The following AVL9 variants were observed in gnomAD, a reference collection of about 807,000 sequenced individuals.
The protein encoded by AVL9 is AVL9 cell migration associated.
In AVL9, 49 loss-of-function variants were observed where a neutral mutation model predicts 79.2. That is an observed-to-expected ratio of 0.62 (90% CI 0.49 to 0.79). The LOEUF is 0.79. AVL9 is among the 30% of genes least tolerant of loss of function. AVL9 has a pLI of 0.00. For missense variants in AVL9, 682 were observed against 776.8 expected (o/e 0.88, Z 1.45); for synonymous variants, 299 against 280.6 (o/e 1.07, Z -0.65).
At chr7:32,571,622 A>C (rs1790849208) in intron 11 of AVL9, among the ~76,000 whole-genome samples, 1 of 151,490 alleles carries the variant, frequency 6.6e-6, no homozygotes, top group South Asian at 2.1e-4. Flanking sequence ...AATGGTTATA[A>C]TATAATGAAA....
intron 1 of AVL9, among the ~76,000 whole-genome samples, chr7:32,510,920 G>C (rs1376372633): frequency 8.3e-6 from 1 of 120,662 alleles, no homozygotes; most frequent in Admixed American, 8.3e-5. Context: ...TATGAGGGAA[G>C]CCATCTCTCC....
At chr7:32,514,651 C>A (rs1333879302) in intron 1 of AVL9, among the ~76,000 whole-genome samples, 1 of 152,196 alleles carries the variant, frequency 6.6e-6, no homozygotes, top group Non-Finnish European at 1.5e-5. Context: ...CCGGTCCTTG[C>A]CTTAAGTGAT....
intron 10 of AVL9, among the ~76,000 whole-genome samples, chr7:32,566,870 C>G (rs4723172): frequency 0.84 from 127,602 of 152,208 alleles, 53,540 homozygotes; most frequent in Middle Eastern, 0.88. Flanking sequence ...GTGACAGAGC[C>G]AGACTCCGTC....
At chr7:32,510,928 T>C (rs1224910928) in intron 1 of AVL9, among the ~76,000 whole-genome samples, 103 of 104,788 alleles carry the variant, frequency 9.8e-4, no homozygotes, top group South Asian at 1.6e-3. Flanking sequence ...AAGCCATCTC[T>C]CCAGGGTAAG....
intron 1 of AVL9, among the ~76,000 whole-genome samples, chr7:32,523,741 T>C (rs1171222728): frequency 4.1e-5 from 6 of 146,610 alleles, no homozygotes; most frequent in East Asian, 3.9e-4. Context: ...CTTTTCTTTT[T>C]TTTTTTTTTT....
intron 1 of AVL9, among the ~76,000 whole-genome samples, chr7:32,523,795 A>G (rs1348365924): frequency 1.4e-5 from 2 of 142,976 alleles, no homozygotes; most frequent in African/African-American, 5.3e-5. Context: ...GTGCAGTGGC[A>G]CGATCTCGGC....
Position 32,495,648 on chromosome 7 carries a change from G to A in AVL9, c.-62G>A. 2.7e-6 allele frequency: 3 copies of A among 1,125,574 alleles called. No individual in the cohort carries two copies. The highest frequency in any genetic ancestry group is 3.4e-6 in the Non-Finnish European group (3 of 875,082). 69.7% of individuals were successfully genotyped at this position (1,125,574 alleles called of 1,614,324 possible). A position where few individuals can be genotyped will look rare whatever the true frequency, so the allele number is the denominator to read the frequency against. On this transcript the variant is annotated 5_prime_UTR_variant, in exon 1 of 16. Coordinates refer to ENST00000318709, the MANE Select transcript of AVL9 (RefSeq NM_015060.3). ...AGTCCGCGGCTTTCCGCACACGGTG[G>A]GGTCGTCAGACCCGCTGCCCTTGGC...
chr7:32,569,086 C>G (rs180898682), intron 10 of AVL9, among the ~76,000 whole-genome samples: 3 of 152,270 alleles, frequency 2.0e-5, no homozygotes, highest in African/African-American at 7.2e-5. Context: ...GCGGATATCC[C>G]CTGCCTTCAG....
At chr7:32,570,617 A>ATCTTTTT (rs1208279693) in intron 11 of AVL9, among the ~76,000 whole-genome samples, 1 of 149,388 alleles carries the variant, frequency 6.7e-6, no homozygotes, top group Non-Finnish European at 1.5e-5. Context: ...AACTGAAATA[A>ATCTTTTT]TCTTTTTTCT....
chr7:32,523,820 G>A (rs1473147205), intron 1 of AVL9, among the ~76,000 whole-genome samples: 10 of 146,670 alleles, frequency 6.8e-5, no homozygotes, highest in Admixed American at 2.1e-4. Context: ...TGCAAGCTCC[G>A]CCTCCTGGGT....
At chr7:32,504,260 A>G (rs1787311544) in intron 1 of AVL9, among the ~76,000 whole-genome samples, 1 of 152,168 alleles carries the variant, frequency 6.6e-6, no homozygotes, top group Non-Finnish European at 1.5e-5. Flanking sequence ...GGAAAGTTCT[A>G]ATTTTTTTCC....
At chr7:32,545,321 G>A (rs1554340188) in intron 3 of AVL9, among the ~76,000 whole-genome samples, 1 of 146,834 alleles carries the variant, frequency 6.8e-6, no homozygotes, top group Non-Finnish European at 1.5e-5. Flanking sequence ...GCTTAGAGGG[G>A]CTCCCAACTA....
chr7:32,560,425 A>T (rs1790283534), intron 10 of AVL9, among the ~76,000 whole-genome samples: 1 of 152,022 alleles, frequency 6.6e-6, no homozygotes, highest in Non-Finnish European at 1.5e-5. Flanking sequence ...CTAGGAGCAG[A>T]CTCCATCACA....
At position 32,585,750 on chromosome 7, in the gene AVL9, T is replaced by C. The variant is rs1791748593; in HGVS notation, c.*1843T>C. On this transcript the variant is annotated 3_prime_UTR_variant, in exon 16 of 16. Coordinates refer to ENST00000318709, the MANE Select transcript of AVL9 (RefSeq NM_015060.3). The stretch of plus-strand genomic sequence containing the variant: ...GCATAACTCAAGAATTCAGCGATGA[T>C]AAATTGAAGGGCTGAATGTGAGAAC... 1 of 152,248 alleles carries C rather than the reference T, an allele frequency of 6.6e-6. No individual in the cohort carries two copies. The highest frequency in any genetic ancestry group is 1.5e-5 in the Non-Finnish European group (1 of 68,038). The allele number at this position is 152,248 out of a possible 1,614,324, so 9.4% of individuals were successfully genotyped here. A position where few individuals can be genotyped will look rare whatever the true frequency, so the allele number is the denominator to read the frequency against.
intron 10 of AVL9, chr7:32,562,618 C>T: frequency 1.0e-6 from 1 of 984,780 alleles, no homozygotes; most frequent in African/African-American, 1.7e-5. Context: ...GTCAACTTCA[C>T]TGGGTCAAAA....
intron 6 of AVL9, among the ~76,000 whole-genome samples, chr7:32,553,242 A>G (rs1374458820): frequency 6.6e-6 from 1 of 152,222 alleles, no homozygotes; most frequent in Non-Finnish European, 1.5e-5. Context: ...AAATAATAAC[A>G]TATGAAGTGC....
intron 1 of AVL9, among the ~76,000 whole-genome samples, chr7:32,531,049 G>C (rs919626507): frequency 3.3e-5 from 5 of 152,194 alleles, no homozygotes; most frequent in Non-Finnish European, 7.3e-5. Flanking sequence ...CAGAGAACAA[G>C]AGAGGCTCAA....
At chr7:32,542,522 C>T (rs986636822) in intron 1 of AVL9, among the ~76,000 whole-genome samples, 2 of 152,066 alleles carry the variant, frequency 1.3e-5, no homozygotes, top group African/African-American at 4.8e-5. Context: ...TGCCACTGCA[C>T]TCCAGCCTGG....
chr7:32,529,726 TATAAAC>T (rs773387516), intron 1 of AVL9, among the ~76,000 whole-genome samples: 59 of 152,210 alleles, frequency 3.9e-4, no homozygotes, highest in African/African-American at 1.3e-3. Flanking sequence ...AGGTGTAACT[TATAAAC>T]AATAAAGTGC....
Sources: allele counts gnomAD v4.1 joint callset (sites outside exome capture counted in the v4.1 genomes callset), GRCh38; gene constraint gnomAD v4.1.1; transcripts MANE v1.5; gene names NCBI Gene and HGNC (gene_info 2026-07-23, HGNC 2026-07-21).